The following AGBL1 variants were observed in gnomAD, a reference collection of about 807,000 sequenced individuals.
The protein encoded by AGBL1 is AGBL carboxypeptidase 1.
AGBL1 carries 130 observed loss-of-function variants against 118.9 expected under a neutral mutation model. The observed-to-expected ratio is 1.09, with a 90% confidence interval of 0.95 to 1.26. The LOEUF (loss-of-function observed/expected upper bound fraction) is 1.26, where lower values mean the gene tolerates loss of function less well. Among genes scored for constraint, AGBL1 ranks in the 50% most tolerant of loss-of-function variants. The probability of loss-of-function intolerance (pLI) is 0.00; values close to 1 mark genes in which losing one functional copy is unlikely to be tolerated. For synonymous variants in AGBL1, 555 were observed against 478.9 expected, an observed-to-expected ratio of 1.16 and a Z score of -2.08; for missense variants, 1,584 against 1,298.1, an observed-to-expected ratio of 1.22 and a Z score of -3.38.
chr15:86,382,805 A>G (rs1207937598), intron 17 of AGBL1, among the ~76,000 whole-genome samples: 1 of 152,180 alleles, frequency 6.6e-6, no homozygotes, highest in Non-Finnish European at 1.5e-5. Context: ...ACATAAGCCC[A>G]TAACAGTTCT....
At chr15:86,755,350 C>T (rs533542320) in intron 22 of AGBL1, among the ~76,000 whole-genome samples, 1 of 152,090 alleles carries the variant, frequency 6.6e-6, no homozygotes, top group Non-Finnish European at 1.5e-5. Flanking sequence ...ATTATTACAG[C>T]TGAGTAGCGG....
intron 22 of AGBL1, among the ~76,000 whole-genome samples, chr15:86,698,565 G>A (rs540921169): frequency 2.7e-4 from 40 of 150,782 alleles, no homozygotes; most frequent in Middle Eastern, 3.5e-3. Flanking sequence ...TGTTGCATCC[G>A]CTCCTTTTTT....
chr15:86,802,405 T>C (rs908397259), intron 22 of AGBL1, among the ~76,000 whole-genome samples: 1 of 152,084 alleles, frequency 6.6e-6, no homozygotes. Flanking sequence ...GACTCAAATA[T>C]TTCTTACCTG....
chr15:87,003,857 T>C (rs2081467972), intron 24 of AGBL1, among the ~76,000 whole-genome samples: 1 of 152,178 alleles, frequency 6.6e-6, no homozygotes, highest in Non-Finnish European at 1.5e-5. Context: ...ATCTATTTGA[T>C]TATTCTCTAT....
At chr15:86,732,190 T>C (rs188731904) in intron 22 of AGBL1, among the ~76,000 whole-genome samples, 137 of 152,360 alleles carry the variant, frequency 9.0e-4, no homozygotes, top group African/African-American at 3.2e-3. Context: ...ATAAATAAAC[T>C]TAATTTATTC....
chr15:86,809,664 GT>G (rs2078762332), intron 22 of AGBL1, among the ~76,000 whole-genome samples: 1 of 152,194 alleles, frequency 6.6e-6, no homozygotes, highest in Non-Finnish European at 1.5e-5. Flanking sequence ...AGGGAAGAAT[GT>G]GTCAAGTTGG....
intron 22 of AGBL1, among the ~76,000 whole-genome samples, chr15:86,868,279 C>T (rs374703092): frequency 2.6e-5 from 4 of 152,164 alleles, no homozygotes; most frequent in South Asian, 4.1e-4. Context: ...CCTGTGAGGT[C>T]GCCAGAGGAC....
At chr15:86,558,474 A>G (rs1050843586) in intron 21 of AGBL1, among the ~76,000 whole-genome samples, 2 of 150,122 alleles carry the variant, frequency 1.3e-5, no homozygotes, top group Non-Finnish European at 3.0e-5. Context: ...TTGTGGTTCA[A>G]CCTCCCCCTC....
intron 21 of AGBL1, among the ~76,000 whole-genome samples, chr15:86,619,615 G>A (rs1035813909): frequency 2.0e-5 from 3 of 152,140 alleles, no homozygotes; most frequent in African/African-American, 7.2e-5. Flanking sequence ...GCTGTGCGGT[G>A]GGGGTGAACA....
At chr15:87,005,573 A>T (rs11855130) in intron 24 of AGBL1, among the ~76,000 whole-genome samples, 14,977 of 152,026 alleles carry the variant, frequency 0.099, 1,287 homozygotes, top group African/African-American at 0.23. Context: ...GCATTAGTCA[A>T]TCTGATTAGC....
chr15:86,655,008 T>C (rs1328708237), intron 21 of AGBL1, among the ~76,000 whole-genome samples: 1 of 152,192 alleles, frequency 6.6e-6, no homozygotes, highest in African/African-American at 2.4e-5. Context: ...GGTCTGTTTC[T>C]GTTAGCCAAG....
intron 18 of AGBL1, among the ~76,000 whole-genome samples, chr15:86,473,556 T>C (rs992096486): frequency 6.1e-5 from 9 of 147,708 alleles, no homozygotes; most frequent in African/African-American, 2.4e-4. Context: ...TTTCTATTTG[T>C]TTTTTTTAAA....
At chr15:86,541,976 A>G (rs1326522847) in intron 19 of AGBL1, among the ~76,000 whole-genome samples, 1 of 152,230 alleles carries the variant, frequency 6.6e-6, no homozygotes, top group Non-Finnish European at 1.5e-5. Context: ...GGAGTATTCT[A>G]ATAAGGGCAG....
At chr15:86,336,847 A>G (rs2080377140) in intron 17 of AGBL1, among the ~76,000 whole-genome samples, 1 of 152,234 alleles carries the variant, frequency 6.6e-6, no homozygotes, top group African/African-American at 2.4e-5. Context: ...TGCTAGAGGC[A>G]AGCTCCTATG....
At chr15:86,355,731 T>C (rs1413267609) in intron 17 of AGBL1, among the ~76,000 whole-genome samples, 5 of 152,216 alleles carry the variant, frequency 3.3e-5, no homozygotes, top group African/African-American at 1.2e-4. Flanking sequence ...GCCCACTTTC[T>C]ATGGACTGGG....
At chr15:86,806,940 C>G (rs991424026) in intron 22 of AGBL1, among the ~76,000 whole-genome samples, 1 of 151,992 alleles carries the variant, frequency 6.6e-6, no homozygotes, top group African/African-American at 2.4e-5. Flanking sequence ...TTATTGGTGA[C>G]TACATCTGCA....
At chr15:86,271,569 A>G in intron 14 of AGBL1, 50 bp from the exon 15 acceptor site, 1 of 1,460,184 alleles carries the variant, frequency 6.8e-7, no homozygotes, top group East Asian at 2.3e-5. Context: ...TATTTGGCCC[A>G]GAACAACTCT....
intron 6 of AGBL1, among the ~76,000 whole-genome samples, chr15:86,236,734 G>A (rs1231575058): frequency 2.0e-5 from 3 of 151,906 alleles, no homozygotes; most frequent in Non-Finnish European, 2.9e-5. Flanking sequence ...CTCCAAAGCC[G>A]AGAGAGGAAA....
Position 86,801,203 on chromosome 15 carries a change from T to G in AGBL1, c.3159-105884T>G, listed in dbSNP as rs143029554. ...TGGTTCCTTTAGTTCTTTTAAGTTTTTCTTCTGAATTCTATCAGGGAGTAA... is the reference window on the plus strand; with the variant it reads ...TGGTTCCTTTAGTTCTTTTAAGTTTGTCTTCTGAATTCTATCAGGGAGTAA... On this transcript the variant is annotated intron_variant, in intron 22 of 22. Coordinates refer to ENST00000614907, the MANE Select transcript of AGBL1 (RefSeq NM_001386094.1). Among the ~76,000 whole-genome samples the G allele has an allele frequency of 1.0e-2, 1,521 of 152,184 alleles. 23 individuals carry two copies. Among genetic ancestry groups the G allele is most frequent in the Middle Eastern group, 0.061 (18 of 294 alleles).
Sources: gnomAD v4.1 joint callset for allele counts (sites outside exome capture counted in the v4.1 genomes callset) on GRCh38, gnomAD v4.1.1 for gene constraint, MANE v1.5 for transcripts, NCBI Gene and HGNC (gene_info 2026-07-23, HGNC 2026-07-21) for gene names.